LINGO2: variants seen among roughly 807,000 people sequenced by gnomAD.
LINGO2 encodes leucine rich repeat and Ig domain containing 2.
LINGO2 carries 14 observed loss-of-function variants against 30.6 expected under a neutral mutation model. The observed-to-expected ratio is 0.46, with a 90% CI of 0.30 to 0.72. The LOEUF (loss-of-function observed/expected upper bound fraction) is 0.72, where lower values mean the gene tolerates loss of function less well. LINGO2 is among the 30% of genes least tolerant of loss of function. The pLI is 0.07. For synonymous variants in LINGO2, 317 were observed against 288.5 expected (o/e 1.10, Z -1.00); for missense variants, 729 against 751.7 (o/e 0.97, Z 0.35).
chr9:29,064,588 T>G, the LINGO2 span, among the ~76,000 whole-genome samples: 23 of 152,142 alleles, frequency 1.5e-4, no homozygotes, highest in South Asian at 4.8e-3. Context: ...TTACATATGT[T>G]TCTATGAGTC....
chr9:28,689,448 G>GA, the LINGO2 span, among the ~76,000 whole-genome samples: 132 of 146,342 alleles, frequency 9.0e-4, 1 homozygote, highest in East Asian at 0.015. Context: ...TAACAAACAT[G>GA]AAAAAAAAAA....
chr9:28,066,998 T>C (rs1440850605), intron 4 of LINGO2, among the ~76,000 whole-genome samples: 1 of 152,056 alleles, frequency 6.6e-6, no homozygotes. Flanking sequence ...CATCCAGAGA[T>C]TTAAATATAA....
chr9:28,650,987 G>C (rs891162691), intron 1 of LINGO2, among the ~76,000 whole-genome samples: 1 of 151,920 alleles, frequency 6.6e-6, no homozygotes, highest in Non-Finnish European at 1.5e-5. Flanking sequence ...TCAGGAGATC[G>C]AGACCATCCT....
intron 4 of LINGO2, among the ~76,000 whole-genome samples, chr9:28,054,244 C>T (rs1021204575): frequency 6.6e-6 from 1 of 152,032 alleles, no homozygotes; most frequent in Non-Finnish European, 1.5e-5. Context: ...GACCTGGGAG[C>T]CCTTCTCTCA....
the LINGO2 span, among the ~76,000 whole-genome samples, chr9:29,093,991 A>G: frequency 6.5e-5 from 9 of 138,954 alleles, no homozygotes; most frequent in South Asian, 6.7e-4. Flanking sequence ...AAAAATCTGC[A>G]TATTTTAACT....
chr9:28,270,311 T>C (rs1007152587), intron 4 of LINGO2, among the ~76,000 whole-genome samples: 1 of 152,096 alleles, frequency 6.6e-6, no homozygotes, highest in African/African-American at 2.4e-5. Context: ...GAAAAACTTG[T>C]AGCCCATGAG....
chr9:29,079,909 T>C, the LINGO2 span, among the ~76,000 whole-genome samples: 169 of 152,202 alleles, frequency 1.1e-3, no homozygotes, highest in Non-Finnish European at 1.9e-3. Flanking sequence ...GTGACAACCA[T>C]TGTAATAAAC....
At chr9:28,482,452 C>T (rs1289853325) in intron 1 of LINGO2, among the ~76,000 whole-genome samples, 1 of 151,998 alleles carries the variant, frequency 6.6e-6, no homozygotes, top group Admixed American at 6.6e-5. Context: ...ATGTCCTTTG[C>T]CCACTTTTTG....
intron 3 of LINGO2, among the ~76,000 whole-genome samples, chr9:28,321,859 G>C (rs1225737614): frequency 6.6e-6 from 1 of 152,032 alleles, no homozygotes. Flanking sequence ...AAATTCCATT[G>C]GATGTTAGGA....
intron 1 of LINGO2, among the ~76,000 whole-genome samples, chr9:28,486,757 C>T (rs955569366): frequency 1.3e-5 from 2 of 151,950 alleles, no homozygotes; most frequent in African/African-American, 2.4e-5. Context: ...TGAAACACAA[C>T]CTCATGTTCC....
intron 4 of LINGO2, among the ~76,000 whole-genome samples, chr9:28,036,356 G>A (rs896384065): frequency 2.0e-5 from 3 of 152,148 alleles, no homozygotes; most frequent in Non-Finnish European, 4.4e-5. Flanking sequence ...GAAAGGAGAG[G>A]TGTCATCAGA....
intron 2 of LINGO2, among the ~76,000 whole-genome samples, chr9:28,375,804 T>C (rs1035293255): frequency 6.6e-6 from 1 of 152,142 alleles, no homozygotes; most frequent in African/African-American, 2.4e-5. Flanking sequence ...TTAGGCTCTG[T>C]GGGTCTAGAG....
At chr9:29,119,363 G>GCGCACACACA in the LINGO2 span, among the ~76,000 whole-genome samples, 36,084 of 151,182 alleles carry the variant, frequency 0.24, 4,419 homozygotes, top group East Asian at 0.43. Flanking sequence ...GCACGTGTGC[G>GCGCACACACA]CGCACACACA....
chr9:28,367,628 C>T (rs1820728233), intron 3 of LINGO2, among the ~76,000 whole-genome samples: 1 of 151,898 alleles, frequency 6.6e-6, no homozygotes, highest in Non-Finnish European at 1.5e-5. Flanking sequence ...GGCTCTTACG[C>T]TTTTGTAGGT....
intron 1 of LINGO2, among the ~76,000 whole-genome samples, chr9:28,482,998 C>G (rs1249089631): frequency 3.3e-5 from 5 of 152,054 alleles, no homozygotes; most frequent in Non-Finnish European, 5.9e-5. Context: ...AACTTTATTA[C>G]CTGGTGGTAG....
intron 5 of LINGO2, among the ~76,000 whole-genome samples, chr9:28,001,966 A>T (rs1221262161): frequency 6.6e-6 from 1 of 152,252 alleles, no homozygotes; most frequent in African/African-American, 2.4e-5. Flanking sequence ...GTTGAAAATT[A>T]AAATTTATAG....
chr9:29,150,985 A>G, the LINGO2 span, among the ~76,000 whole-genome samples: 1 of 152,046 alleles, frequency 6.6e-6, no homozygotes, highest in African/African-American at 2.4e-5. Flanking sequence ...AACAAAAAAA[A>G]TATATATATT....
chr9:28,537,260 T>C (rs896248830), intron 1 of LINGO2, among the ~76,000 whole-genome samples: 6 of 152,270 alleles, frequency 3.9e-5, no homozygotes, highest in South Asian at 2.1e-4. Context: ...TATATTTCCA[T>C]TGTTGATACC....
the LINGO2 span, among the ~76,000 whole-genome samples, chr9:28,772,908 G>A: frequency 2.6e-5 from 4 of 152,124 alleles, no homozygotes; most frequent in South Asian, 4.1e-4. Flanking sequence ...GTCCACAACA[G>A]CACATCACTG....
Sources: gnomAD v4.1 joint callset for allele counts (sites outside exome capture counted in the v4.1 genomes callset) on GRCh38, gnomAD v4.1.1 for gene constraint, MANE v1.5 for transcripts, NCBI Gene and HGNC (gene_info 2026-07-23, HGNC 2026-07-21) for gene names.